ARL15: variants seen among roughly 807,000 people sequenced by gnomAD.
The protein encoded by ARL15 is ADP-ribosylation factor-like protein 15.
A neutral mutation model predicts 25.2 loss-of-function variants in ARL15; 19 were observed. The ratio of observed to expected loss-of-function variants is 0.75; its 90% CI spans 0.53 to 1.10. The LOEUF (loss-of-function observed/expected upper bound fraction) is 1.10, where lower values mean the gene tolerates loss of function less well. Ranked by LOEUF, ARL15 falls within the 50% of genes least tolerant of loss-of-function variation. The probability of loss-of-function intolerance (pLI) is 0.00; values close to 1 mark genes in which losing one functional copy is unlikely to be tolerated. For missense variants in ARL15, 220 were observed against 246.0 expected, an observed-to-expected ratio of 0.89 and a Z score of 0.71; for synonymous variants, 94 against 86.8, an observed-to-expected ratio of 1.08 and a Z score of -0.46.
intron 1 of ARL15, among the ~76,000 whole-genome samples, chr5:54,309,653 A>G (rs1017751163): frequency 6.6e-6 from 1 of 152,252 alleles, no homozygotes; most frequent in African/African-American, 2.4e-5. Flanking sequence ...CTGGGGAAAT[A>G]TAATTTCTGG....
intron 4 of ARL15, among the ~76,000 whole-genome samples, chr5:53,939,521 G>A (rs1666939433): frequency 6.6e-6 from 1 of 150,960 alleles, no homozygotes; most frequent in African/African-American, 2.4e-5. Context: ...TGGATCATGA[G>A]GTCAGGAGAT....
chr5:54,168,420 C>T (rs1754637188), intron 2 of ARL15, among the ~76,000 whole-genome samples: 1 of 151,028 alleles, frequency 6.6e-6, no homozygotes, highest in Admixed American at 6.6e-5. Context: ...TTTAACAATT[C>T]ACCAAAACAT....
chr5:54,222,842 G>C (rs1429125117), intron 1 of ARL15, among the ~76,000 whole-genome samples: 1 of 151,692 alleles, frequency 6.6e-6, no homozygotes, highest in African/African-American at 2.4e-5. Flanking sequence ...TATTTTTTTT[G>C]AGACGGAGTC....
At chr5:53,935,506 G>A (rs1746325145) in intron 4 of ARL15, among the ~76,000 whole-genome samples, 1 of 152,198 alleles carries the variant, frequency 6.6e-6, no homozygotes, top group South Asian at 2.1e-4. Context: ...TCCCTACAGA[G>A]AGGCAACTGG....
intron 4 of ARL15, among the ~76,000 whole-genome samples, chr5:53,893,226 TACAA>T (rs1482457754): frequency 6.6e-6 from 1 of 152,122 alleles, no homozygotes; most frequent in Non-Finnish European, 1.5e-5. Context: ...TGTCAAATTG[TACAA>T]GTCATGAACG....
chr5:53,916,400 T>C (rs1745648596), intron 4 of ARL15, among the ~76,000 whole-genome samples: 1 of 151,228 alleles, frequency 6.6e-6, no homozygotes, highest in South Asian at 2.1e-4. Flanking sequence ...CAATTGGGTA[T>C]GATATTTACT....
intron 1 of ARL15, among the ~76,000 whole-genome samples, chr5:54,259,806 T>C (rs1757452961): frequency 2.0e-5 from 3 of 152,238 alleles, no homozygotes; most frequent in African/African-American, 7.2e-5. Context: ...ATTATAACAT[T>C]GCTTTACAAT....
chr5:53,984,240 T>C (rs1466698056), intron 4 of ARL15, among the ~76,000 whole-genome samples: 1 of 152,234 alleles, frequency 6.6e-6, no homozygotes, highest in African/African-American at 2.4e-5. Flanking sequence ...CTTTTCTTGC[T>C]GCATTCCTCT....
intron 4 of ARL15, among the ~76,000 whole-genome samples, chr5:53,906,969 T>C (rs1666532137): frequency 2.0e-5 from 3 of 152,042 alleles, no homozygotes; most frequent in African/African-American, 7.2e-5. Context: ...GCTCCAGAAA[T>C]GTGAATTTAT....
intron 4 of ARL15, among the ~76,000 whole-genome samples, chr5:53,989,022 A>C (rs900669601): frequency 3.9e-5 from 6 of 152,168 alleles, no homozygotes; most frequent in African/African-American, 1.4e-4. Flanking sequence ...GATGGGCTAG[A>C]TAACCTCTAA....
chr5:54,096,373 A>C (rs747568948), intron 4 of ARL15, among the ~76,000 whole-genome samples: 1 of 152,228 alleles, frequency 6.6e-6, no homozygotes, highest in Non-Finnish European at 1.5e-5. Context: ...GAGAATGAAC[A>C]CAAGTTGTTT....
intron 4 of ARL15, chr5:54,048,443 C>T (rs1383671332): frequency 6.9e-6 from 1 of 145,844 alleles, no homozygotes; most frequent in Non-Finnish European, 1.5e-5. Context: ...CACTCTGTTG[C>T]CTAGGCTAGA....
At chr5:53,890,774 G>A (rs1262542816) in intron 4 of ARL15, among the ~76,000 whole-genome samples, 2 of 152,220 alleles carry the variant, frequency 1.3e-5, no homozygotes, top group Admixed American at 6.5e-5. Context: ...TTCACACATC[G>A]CGTTTACTGT....
chr5:54,111,316 G>A (rs768167515), intron 4 of ARL15, among the ~76,000 whole-genome samples: 5 of 151,900 alleles, frequency 3.3e-5, no homozygotes, highest in Admixed American at 1.3e-4. Flanking sequence ...CTATGACAAC[G>A]CTACATTTAT....
At chr5:54,035,849 A>G (rs567613110) in intron 4 of ARL15, among the ~76,000 whole-genome samples, 1 of 152,360 alleles carries the variant, frequency 6.6e-6, no homozygotes, top group African/African-American at 2.4e-5. Flanking sequence ...AAGAAAAATT[A>G]CTTGAAAAAA....
chr5:54,059,261 T>C (rs1017776671), intron 4 of ARL15, among the ~76,000 whole-genome samples: 1 of 152,234 alleles, frequency 6.6e-6, no homozygotes, highest in African/African-American at 2.4e-5. Context: ...TGGAGCAGGC[T>C]TAAAAGGCTC....
At chr5:54,040,576 A>C (rs929301627) in intron 4 of ARL15, among the ~76,000 whole-genome samples, 10 of 152,216 alleles carry the variant, frequency 6.6e-5, no homozygotes, top group Admixed American at 3.3e-4. Flanking sequence ...GACTGATCAC[A>C]GTAGAGCTAC....
At chr5:54,093,196 G>A (rs1752182173) in intron 4 of ARL15, among the ~76,000 whole-genome samples, 1 of 152,192 alleles carries the variant, frequency 6.6e-6, no homozygotes, top group Admixed American at 6.5e-5. Context: ...ATTGTTGAAT[G>A]TAGAGTGCTC....
At chr5:53,979,512 C>T (rs1036261972) in intron 4 of ARL15, among the ~76,000 whole-genome samples, 10 of 152,146 alleles carry the variant, frequency 6.6e-5, no homozygotes, top group African/African-American at 2.4e-4. Flanking sequence ...TGCACTCCAG[C>T]CTGGGCAACA....
Sources: gnomAD v4.1 joint callset for allele counts (sites outside exome capture counted in the v4.1 genomes callset) on GRCh38, gnomAD v4.1.1 for gene constraint, MANE v1.5 for transcripts, NCBI Gene and HGNC (gene_info 2026-07-23, HGNC 2026-07-21) for gene names.